MTG1: variants seen among roughly 807,000 people sequenced by gnomAD.
The protein encoded by MTG1 is mitochondrial ribosome-associated GTPase 1.
MTG1 carries 30 observed loss-of-function variants against 39.5 expected under a neutral mutation model. The observed-to-expected ratio is 0.76, with a 90% CI of 0.57 to 1.03. The LOEUF is 1.03. Ranked by LOEUF, MTG1 falls within the 50% of genes least tolerant of loss-of-function variation. The probability of loss-of-function intolerance (pLI) is 0.00; values close to 1 mark genes in which losing one functional copy is unlikely to be tolerated. For missense variants in MTG1, 513 were observed against 447.4 expected (o/e 1.15, Z -1.32); for synonymous variants, 217 against 179.0 (o/e 1.21, Z -1.69).
At chr10:133,407,531 T>G (rs1444587395) in intron 9 of MTG1, among the ~76,000 whole-genome samples, 1 of 152,150 alleles carries the variant, frequency 6.6e-6, no homozygotes. Flanking sequence ...CTAGGTATTT[T>G]ATATTTTTGT....
chr10:133,401,817 G>A (rs895595897), intron 7 of MTG1: 20 of 686,134 alleles, frequency 2.9e-5, no homozygotes, highest in Non-Finnish European at 5.3e-5. Context: ...CCCATTTCCA[G>A]ATGAGGAGGC....
At chr10:133,400,411 C>T (rs939731282) in intron 6 of MTG1, among the ~76,000 whole-genome samples, 3 of 152,188 alleles carry the variant, frequency 2.0e-5, no homozygotes, top group African/African-American at 4.8e-5. Flanking sequence ...GCAGGAGCCC[C>T]GAGCACCCTT....
intron 9 of MTG1, among the ~76,000 whole-genome samples, chr10:133,418,686 C>T (rs905907087): frequency 3.3e-5 from 5 of 152,100 alleles, no homozygotes; most frequent in Non-Finnish European, 5.9e-5. Context: ...TGACCAGGTC[C>T]GAGGGCACCA....
chr10:133,418,053 C>G lies in MTG1; in HGVS notation c.753-1427C>G, dbSNP rs566336228. Reference sequence around the variant, plus strand: ...CTCACTCTGTCGCCCAGCCAGGCTACAGTGCAGTGGCACAATCTCAGCCCA... The same window carrying G: ...CTCACTCTGTCGCCCAGCCAGGCTAGAGTGCAGTGGCACAATCTCAGCCCA... On this transcript the variant is annotated intron_variant, in intron 9 of 10. Coordinates refer to ENST00000317502, the MANE Select transcript of MTG1 (RefSeq NM_138384.4). Among the ~76,000 whole-genome samples, 267 of 152,298 alleles carry G rather than the reference C, an allele frequency of 1.8e-3. 1 individual carries two copies. Among genetic ancestry groups the G allele is most frequent in the African/African-American group, 5.7e-3 (235 of 41,572 alleles).
chr10:133,412,623 T>C (rs535260857), intron 9 of MTG1, among the ~76,000 whole-genome samples: 5 of 152,336 alleles, frequency 3.3e-5, no homozygotes, highest in African/African-American at 1.2e-4. Context: ...TCTTTTTTTG[T>C]TCCTGATCTA....
chr10:133,419,317 C>T (rs1229462783), intron 9 of MTG1, among the ~76,000 whole-genome samples, 163 bp from the exon 10 acceptor site: 3 of 152,200 alleles, frequency 2.0e-5, no homozygotes, highest in Non-Finnish European at 4.4e-5. Flanking sequence ...CAGCACCGGT[C>T]ACCTGCAGTC....
intron 9 of MTG1, among the ~76,000 whole-genome samples, chr10:133,417,673 A>G (rs1324881924): frequency 2.6e-5 from 4 of 152,150 alleles, no homozygotes; most frequent in East Asian, 1.9e-4. Flanking sequence ...AAGCAACTTC[A>G]GCAAAGTCTC....
chr10:133,418,096 T>C (rs2814203), intron 9 of MTG1, among the ~76,000 whole-genome samples: 137,657 of 152,280 alleles, frequency 0.9, 62,504 homozygotes, highest in South Asian at 0.98. Context: ...CTCCACCTCC[T>C]GGGTTCAAGC....
At position 133,401,552 on chromosome 10, in the gene MTG1, G is replaced by C; in HGVS notation, c.535G>C (p.Glu179Gln). The C allele has an allele frequency of 6.3e-7, 1 of 1,590,976 alleles. No individual in the cohort carries two copies. Among genetic ancestry groups the C allele is most frequent in the East Asian group, 2.2e-5 (1 of 44,454 alleles). The change falls in exon 7 of 11, where the codon GAG (glutamate) becomes CAG (glutamine). Residue 179 changes from glutamate to glutamine, a missense_variant. Transcript: ENST00000317502. ...AGGGAAAGCCACCAGGGTGGGTGGC[G>C]AGCCTGGGATCACCAGAGCTGTGAT... is the stretch of plus-strand genomic sequence containing the variant. ...RKGKATRVGG[E>Q]PGITRAVMSK...
intron 9 of MTG1, among the ~76,000 whole-genome samples, chr10:133,418,163 C>T (rs932181548): frequency 6.6e-6 from 1 of 152,208 alleles, no homozygotes; most frequent in African/African-American, 2.4e-5. Context: ...GCCACCACAC[C>T]TGGCTAATTT....
chr10:133,409,834 C>T (rs556536481), intron 9 of MTG1, among the ~76,000 whole-genome samples: 2 of 151,148 alleles, frequency 1.3e-5, no homozygotes, highest in South Asian at 4.2e-4. Flanking sequence ...TATTGCTGCT[C>T]CTGCTCTTTA....
At chr10:133,406,304 C>T (rs1239560113) in intron 9 of MTG1, among the ~76,000 whole-genome samples, 6 of 152,056 alleles carry the variant, frequency 3.9e-5, no homozygotes, top group Non-Finnish European at 5.9e-5. Context: ...TTGATAGTTT[C>T]GTTTCTTGCT....
chr10:133,419,217 G>T (rs1191751058), intron 9 of MTG1, among the ~76,000 whole-genome samples: 1 of 152,236 alleles, frequency 6.6e-6, no homozygotes, highest in Non-Finnish European at 1.5e-5. Context: ...AAGGGCTCCG[G>T]TGGTGGGAGC....
Position 133,399,606 on chromosome 10 carries a change from G to A in MTG1, c.498G>A (p.Gln166=), listed in dbSNP as rs1849841866. 1 of 1,613,934 alleles carries A rather than the reference G, an allele frequency of 6.2e-7. No homozygotes were observed. Among genetic ancestry groups the A allele is most frequent in the Admixed American group, 1.7e-5 (1 of 60,000 alleles). The change falls in exon 6 of 11, where the codon CAG becomes CAA. Residue 166 remains glutamine, a synonymous_variant. Coordinates refer to ENST00000317502, the MANE Select transcript of MTG1 (RefSeq NM_138384.4). ...CCCTCATCAACTCCCTCCGGAGGCA[G>A]CACCTCAGGAAAGGTACTGGCGCGT... ...KSSLINSLRR[Q]HLRKGKATRV...
chr10:133,406,709 A>G (rs1186921731), intron 9 of MTG1, among the ~76,000 whole-genome samples: 1 of 125,464 alleles, frequency 8.0e-6, no homozygotes, highest in Non-Finnish European at 1.6e-5. Flanking sequence ...TGTGTCACCC[A>G]GGCTGGAGTG....
Position 133,402,410 on chromosome 10 carries a change from A to C in MTG1, c.670+165A>C, listed in dbSNP as rs952193865. The C allele has an allele frequency of 1.3e-6, 1 of 788,670 alleles. No homozygotes were observed. The highest frequency in any genetic ancestry group is 1.7e-5 in the African/African-American group (1 of 58,772). The allele number at this position is 788,670 out of a possible 1,614,324, so 48.9% of individuals were successfully genotyped here. On this transcript the variant is annotated intron_variant, in intron 8 of 10. Transcript: ENST00000317502. This position sits in a 1 kb window ranked among gnomAD's most constrained non-coding sequence, Gnocchi z 4.7. ...CTTAGTGTGAGAGCTGTAATAGTGC[A>C]CAGCTGACAGGCACTGGTCACCATT... is the stretch of plus-strand genomic sequence containing the variant.
In MTG1 at chr10:133,419,486, G is replaced by A; in HGVS notation, c.759G>A (p.Val253=). The change falls in exon 10 of 11, where the codon GTG becomes GTA. Residue 253 remains valine (V), a synonymous_variant. Transcript: ENST00000317502. ...TLNKHQRFGY[V]QHYGLGSACD... is the part of the protein sequence containing the mutation. ...ACCTGCAGCCTATGTGCAGGTACGT[G>A]CAGCACTACGGCCTGGGCAGTGCCT... 6.3e-7 allele frequency: 1 copy of A among 1,597,504 alleles called. No homozygotes were observed. The highest frequency in any genetic ancestry group is 8.5e-7 in the Non-Finnish European group (1 of 1,172,628).
intron 3 of MTG1, among the ~76,000 whole-genome samples, chr10:133,397,780 T>G (rs1204982581): frequency 4.5e-5 from 3 of 66,886 alleles, no homozygotes; most frequent in Non-Finnish European, 9.3e-5. Flanking sequence ...GTCCAGCCTG[T>G]TTTTTTTTTT....
chr10:133,419,463 C>G lies in MTG1; in HGVS notation c.753-17C>G. The G allele has an allele frequency of 1.9e-6, 3 of 1,574,814 alleles. No individual in the cohort carries two copies. Among genetic ancestry groups the G allele is most frequent in the Non-Finnish European group, 2.6e-6 (3 of 1,160,998 alleles). On this transcript the variant is annotated splice_polypyrimidine_tract_variant and intron_variant, in intron 9 of 10. Coordinates refer to ENST00000317502, the MANE Select transcript of MTG1 (RefSeq NM_138384.4). ...CAGTGCTGGGCCCCCTGGTGCTGAC[C>G]TGCAGCCTATGTGCAGGTACGTGCA...
Sources: allele counts gnomAD v4.1 joint callset (sites outside exome capture counted in the v4.1 genomes callset), GRCh38; gene constraint gnomAD v4.1.1; non-coding constraint Gnocchi (gnomAD v3.1); transcripts MANE v1.5; gene names NCBI Gene and HGNC (gene_info 2026-07-23, HGNC 2026-07-21).